The following COA1 variants were observed in gnomAD, a reference collection of about 807,000 sequenced individuals.
The protein encoded by COA1 is cytochrome c oxidase assembly factor 1.
COA1 carries 13 observed loss-of-function variants against 16.0 expected under a neutral mutation model. The observed-to-expected ratio is 0.81, with a 90% confidence interval of 0.53 to 1.29. COA1 has a LOEUF of 1.29. COA1 is among the 50% of genes most tolerant of loss of function. COA1 has a pLI of 0.00. For synonymous variants in COA1, 65 were observed against 65.7 expected (o/e 0.99, Z 0.05); for missense variants, 179 against 177.0 (o/e 1.01, Z -0.06).
At chr7:43,708,943 G>T (rs1484822447) in intron 1 of COA1, among the ~76,000 whole-genome samples, 1 of 151,526 alleles carries the variant, frequency 6.6e-6, no homozygotes, top group Non-Finnish European at 1.5e-5. Context: ...CATTTTTTAT[G>T]GTTAATGCTT....
intron 4 of COA1, 93 bp downstream of exon 4, chr7:43,645,158 C>A (rs1345432042): frequency 5.6e-6 from 7 of 1,257,178 alleles, no homozygotes; most frequent in Non-Finnish European, 7.5e-6. Context: ...TTTTCCCATC[C>A]CAAATCCTTA....
At chr7:43,667,298 G>C (rs1225675573) in intron 1 of COA1, among the ~76,000 whole-genome samples, 1 of 152,152 alleles carries the variant, frequency 6.6e-6, no homozygotes, top group Non-Finnish European at 1.5e-5. Context: ...GGATGGTTCA[G>C]AAGGTCCCTG....
chr7:43,629,175 G>C (rs1250456651), intron 6 of COA1, among the ~76,000 whole-genome samples: 1 of 152,112 alleles, frequency 6.6e-6, no homozygotes, highest in Non-Finnish European at 1.5e-5. Context: ...TATATCTGTG[G>C]CTCTAGTTTT....
At chr7:43,707,694 A>T (rs1308598376) in intron 1 of COA1, among the ~76,000 whole-genome samples, 1 of 152,146 alleles carries the variant, frequency 6.6e-6, no homozygotes, top group Non-Finnish European at 1.5e-5. Flanking sequence ...TATTGTGTAA[A>T]TTGAGTTTGT....
chr7:43,646,281 A>C, intron 3 of COA1: 1 of 282,916 alleles, frequency 3.5e-6, no homozygotes, highest in Admixed American at 4.2e-5. Flanking sequence ...TAGGAAAAGA[A>C]GGGACAGAAG....
At chr7:43,722,421 C>T (rs1182756079) in intron 1 of COA1, among the ~76,000 whole-genome samples, 1 of 150,756 alleles carries the variant, frequency 6.6e-6, no homozygotes, top group Non-Finnish European at 1.5e-5. Context: ...TACGACAAAA[C>T]GAGAGTCTCG....
At chr7:43,689,308 T>C (rs2094172064) in intron 1 of COA1, among the ~76,000 whole-genome samples, 1 of 152,164 alleles carries the variant, frequency 6.6e-6, no homozygotes, top group Non-Finnish European at 1.5e-5. Context: ...AACTCTCCAT[T>C]CAACCATGTA....
At chr7:43,700,527 C>CATATAT (rs371169314) in intron 1 of COA1, among the ~76,000 whole-genome samples, 12,389 of 138,922 alleles carry the variant, frequency 0.089, 652 homozygotes, top group Admixed American at 0.17. Flanking sequence ...AAAATGTAGG[C>CATATAT]AGATATATAT....
At chr7:43,716,833 C>T (rs2095406044) in intron 1 of COA1, among the ~76,000 whole-genome samples, 1 of 152,158 alleles carries the variant, frequency 6.6e-6, no homozygotes, top group Non-Finnish European at 1.5e-5. Flanking sequence ...TGTGTGCAGC[C>T]TAGGAACTTG....
At chr7:43,688,787 T>C (rs1054123886) in intron 1 of COA1, among the ~76,000 whole-genome samples, 1 of 152,196 alleles carries the variant, frequency 6.6e-6, no homozygotes, top group Non-Finnish European at 1.5e-5. Flanking sequence ...ATGTACATAA[T>C]AGCCAGTAGG....
At chr7:43,620,567 G>T (rs10246823) in intron 6 of COA1, among the ~76,000 whole-genome samples, 1 of 151,838 alleles carries the variant, frequency 6.6e-6, no homozygotes, top group African/African-American at 2.4e-5. Flanking sequence ...CCAGCTACTC[G>T]GGAGGCTGAG....
At chr7:43,672,806 G>C (rs2093337303) in intron 1 of COA1, among the ~76,000 whole-genome samples, 1 of 149,178 alleles carries the variant, frequency 6.7e-6, no homozygotes, top group Non-Finnish European at 1.5e-5. Flanking sequence ...GAGACAGAAA[G>C]AAGGAAACAG....
At chr7:43,644,591 A>G (rs1018427100) in intron 4 of COA1, among the ~76,000 whole-genome samples, 2 of 151,786 alleles carry the variant, frequency 1.3e-5, no homozygotes, top group African/African-American at 2.4e-5. Context: ...CAGTGACATG[A>G]TCATAACTCA....
At chr7:43,681,746 T>C (rs1181203219) in intron 1 of COA1, among the ~76,000 whole-genome samples, 1 of 152,220 alleles carries the variant, frequency 6.6e-6, no homozygotes, top group East Asian at 1.9e-4. Flanking sequence ...TGGGCTGATT[T>C]AAAATCTATT....
chr7:43,713,917 T>C (rs1169020886), intron 1 of COA1, among the ~76,000 whole-genome samples: 2 of 152,092 alleles, frequency 1.3e-5, no homozygotes, highest in Non-Finnish European at 2.9e-5. Flanking sequence ...CGCACACCCA[T>C]AATCCCAGCT....
rs1036014203 is a variant in COA1, at chr7:43,694,287, A to G, written c.-39+35142T>C. On this transcript the variant is annotated intron_variant, in intron 1 of 5. Transcript: ENST00000223336. Reference sequence around the variant, plus strand: ...AAAAAAAAAAAGCACTCTTAATCCCATATCTTCCTTCAGCAATGGTCCCAT... The same window carrying G: ...AAAAAAAAAAAGCACTCTTAATCCCGTATCTTCCTTCAGCAATGGTCCCAT... Among the ~76,000 whole-genome samples the G allele has an allele frequency of 3.1e-4, 46 of 150,548 alleles. 1 individual carries two copies. The highest frequency in any genetic ancestry group is 2.1e-3 in the Admixed American group (32 of 15,094).
chr7:43,711,575 C>G (rs2095250265), intron 1 of COA1: 1 of 152,176 alleles, frequency 6.6e-6, no homozygotes, highest in African/African-American at 2.4e-5. Context: ...TGTCACCTAA[C>G]AATCAGGATA....
chr7:43,641,928 C>T (rs1188377409), intron 4 of COA1: 2 of 152,244 alleles, frequency 1.3e-5, no homozygotes, highest in Non-Finnish European at 2.9e-5. Context: ...ACAGGCATCT[C>T]CCAGAGTGCC....
intron 1 of COA1, among the ~76,000 whole-genome samples, chr7:43,710,394 A>ATTTTTTT (rs1268788403): frequency 4.4e-5 from 6 of 135,388 alleles, no homozygotes; most frequent in African/African-American, 1.6e-4. Flanking sequence ...ATATATATAT[A>ATTTTTTT]TTTTTAAGAT....
Sources: gnomAD v4.1 joint callset for allele counts (sites outside exome capture counted in the v4.1 genomes callset) on GRCh38, gnomAD v4.1.1 for gene constraint, MANE v1.5 for transcripts, NCBI Gene and HGNC (gene_info 2026-07-23, HGNC 2026-07-21) for gene names.